Variants in FIG4 observed in about 807,000 individuals in gnomAD.
FIG4 encodes the protein FIG4 phosphoinositide 5-phosphatase, also known as polyphosphoinositide phosphatase.
In FIG4, 112 loss-of-function variants were observed where a neutral mutation model predicts 118.6. The ratio of observed to expected loss-of-function variants is 0.94; its 90% CI spans 0.81 to 1.11. The LOEUF (loss-of-function observed/expected upper bound fraction) is 1.11. Ranked by LOEUF, FIG4 falls within the 50% of genes least tolerant of loss-of-function variation. The pLI is 0.00. For synonymous variants in FIG4, 369 were observed against 381.2 expected (o/e 0.97, Z 0.37); for missense variants, 969 against 1,111.7 (o/e 0.87, Z 1.83).
chr6:109,734,826 C>T (rs1041322759), intron 5 of FIG4, among the ~76,000 whole-genome samples: 1 of 152,018 alleles, frequency 6.6e-6, no homozygotes, highest in Non-Finnish European at 1.5e-5. Flanking sequence ...GAAGGTGTGA[C>T]CCTGTTTGCA....
chr6:109,736,691 T>C (rs1003060023), intron 6 of FIG4, among the ~76,000 whole-genome samples: 4 of 152,194 alleles, frequency 2.6e-5, no homozygotes, highest in Non-Finnish European at 4.4e-5. Flanking sequence ...TCTGGAGCAA[T>C]TCTACTTGAT....
intron 6 of FIG4, among the ~76,000 whole-genome samples, chr6:109,735,582 G>A (rs1341015923): frequency 1.3e-5 from 2 of 152,072 alleles, no homozygotes; most frequent in African/African-American, 4.8e-5. Context: ...TTTACATGGT[G>A]TGCAGAGGTG....
At chr6:109,796,167 G>C (rs1198788187) in intron 21 of FIG4, among the ~76,000 whole-genome samples, 1 of 152,220 alleles carries the variant, frequency 6.6e-6, no homozygotes, top group Non-Finnish European at 1.5e-5. Flanking sequence ...TCATATGGCC[G>C]TTGTGCTCAT....
At chr6:109,702,670 C>CTTT (rs1489676284) in intron 1 of FIG4, among the ~76,000 whole-genome samples, 1 of 48,822 alleles carries the variant, frequency 2.0e-5, no homozygotes, top group Non-Finnish European at 3.7e-5. Context: ...CTTTCCTTCC[C>CTTT]TATTCTTGGA....
intron 6 of FIG4, among the ~76,000 whole-genome samples, chr6:109,736,255 A>C (rs1316752394): frequency 1.3e-5 from 2 of 152,000 alleles, no homozygotes; most frequent in African/African-American, 4.8e-5. Flanking sequence ...CCCTTGCAGC[A>C]CTCTCAAAAA....
chr6:109,776,599 T>C (rs1777624090), intron 15 of FIG4, among the ~76,000 whole-genome samples: 2 of 152,218 alleles, frequency 1.3e-5, no homozygotes, highest in Admixed American at 1.3e-4. Flanking sequence ...ATTTTCATTT[T>C]AAAAATAAAA....
intron 1 of FIG4, among the ~76,000 whole-genome samples, chr6:109,709,792 AT>A (rs1178249594): frequency 2.0e-5 from 3 of 152,166 alleles, no homozygotes; most frequent in African/African-American, 7.2e-5. Flanking sequence ...AATGCTAGTG[AT>A]TTTTGCACAT....
chr6:109,694,691 A>G (rs1038798866), intron 1 of FIG4, among the ~76,000 whole-genome samples: 1 of 152,234 alleles, frequency 6.6e-6, no homozygotes, highest in Non-Finnish European at 1.5e-5. Flanking sequence ...TCTTCATCCA[A>G]GAAGGGACTA....
intron 22 of FIG4, among the ~76,000 whole-genome samples, chr6:109,802,129 G>A (rs1778442984): frequency 6.6e-6 from 1 of 152,136 alleles, no homozygotes; most frequent in African/African-American, 2.4e-5. Context: ...TACCAAGATA[G>A]GCTTTCTTCC....
At chr6:109,702,119 T>C (rs77348682) in intron 1 of FIG4, among the ~76,000 whole-genome samples, 4,611 of 152,286 alleles carry the variant, frequency 0.03, 95 homozygotes, top group Non-Finnish European at 0.04. Context: ...ACATTTAATC[T>C]GAAAGTTCAG....
chr6:109,776,631 A>C (rs986709468), intron 15 of FIG4, among the ~76,000 whole-genome samples: 1 of 152,220 alleles, frequency 6.6e-6, no homozygotes, highest in South Asian at 2.1e-4. Flanking sequence ...GGTATTTACT[A>C]TCTGAGTTCT....
chr6:109,730,418 T>G (rs189433689), intron 4 of FIG4, among the ~76,000 whole-genome samples: 3 of 152,258 alleles, frequency 2.0e-5, no homozygotes, highest in Admixed American at 2.0e-4. Context: ...CTTGACATGA[T>G]TTTAAAAGTC....
chr6:109,763,481 C>A (rs1777174841), intron 12 of FIG4, among the ~76,000 whole-genome samples: 1 of 152,092 alleles, frequency 6.6e-6, no homozygotes, highest in African/African-American at 2.4e-5. Context: ...ATCTACAAAA[C>A]CAACCAAAGA....
intron 10 of FIG4, among the ~76,000 whole-genome samples, chr6:109,746,440 G>A (rs1267606853): frequency 6.6e-5 from 10 of 152,250 alleles, no homozygotes; most frequent in African/African-American, 2.4e-4. Flanking sequence ...GAAGGAAGAG[G>A]CATTAACCAG....
rs769858739 is a variant in FIG4, at chr6:109,825,087, G to A, written c.2547-1G>A. The A allele has an allele frequency of 7.4e-6, 12 of 1,612,992 alleles. No homozygotes were observed. The highest frequency in any genetic ancestry group is 1.0e-5 in the Non-Finnish European group (12 of 1,179,232). ...GCCCTCTCTTTATTCATCTTTTATA[G>A]AACACCCATCTCGGCTTTCTCGCAA... On this transcript the variant is annotated splice_acceptor_variant, in intron 22 of 22. Transcript: ENST00000230124. LOFTEE classifies it high-confidence loss of function.
At chr6:109,753,425 G>A (rs1191324104) in intron 10 of FIG4, among the ~76,000 whole-genome samples, 2 of 151,712 alleles carry the variant, frequency 1.3e-5, no homozygotes, top group Non-Finnish European at 2.9e-5. Context: ...TGGTGATGCG[G>A]GCTCTTTTTT....
intron 4 of FIG4, among the ~76,000 whole-genome samples, chr6:109,731,155 G>T (rs1273146985): frequency 6.6e-6 from 1 of 152,174 alleles, no homozygotes; most frequent in Admixed American, 6.5e-5. Context: ...TAGTCAGTTT[G>T]GGAATAATCA....
chr6:109,728,528 G>A (rs1168902452), intron 4 of FIG4, among the ~76,000 whole-genome samples: 1 of 152,280 alleles, frequency 6.6e-6, no homozygotes. Context: ...CTGTACTTTT[G>A]TAGTGTTCCA....
chr6:109,818,981 T>A (rs2128401625), intron 22 of FIG4, among the ~76,000 whole-genome samples: 1 of 152,328 alleles, frequency 6.6e-6, no homozygotes, highest in South Asian at 2.1e-4. Flanking sequence ...CATGTGTCAC[T>A]GTCTGCCCTT....
Sources: gnomAD v4.1 joint callset for allele counts (sites outside exome capture counted in the v4.1 genomes callset) on GRCh38, gnomAD v4.1.1 for gene constraint, MANE v1.5 for transcripts, NCBI Gene and HGNC (gene_info 2026-07-23, HGNC 2026-07-21) for gene names.